PSD4: variants seen among roughly 807,000 people sequenced by gnomAD.
PSD4 encodes pleckstrin and Sec7 domain containing 4, also known as PH and SEC7 domain-containing protein 4.
A neutral mutation model predicts 112.5 loss-of-function variants in PSD4; 59 were observed. The ratio of observed to expected loss-of-function variants is 0.52; its 90% CI spans 0.43 to 0.65. The LOEUF (loss-of-function observed/expected upper bound fraction) is 0.65, where lower values mean the gene tolerates loss of function less well. Ranked by LOEUF, PSD4 falls within the 30% of genes least tolerant of loss-of-function variation. The pLI is 0.00. For missense variants in PSD4, 1,267 were observed against 1,352.6 expected (o/e 0.94, Z 0.99); for synonymous variants, 533 against 540.0 (o/e 0.99, Z 0.18).
intron 1 of PSD4, among the ~76,000 whole-genome samples, chr2:113,176,263 C>T (rs531535463): frequency 6.6e-6 from 1 of 152,218 alleles, no homozygotes; most frequent in South Asian, 2.1e-4. Context: ...GGGTTCCTTC[C>T]TGCCCCCTTG....
chr2:113,186,014 G>C lies in PSD4; in HGVS notation c.1387G>C (p.Ala463Pro). 1 of 1,614,198 alleles carries C rather than the reference G, an allele frequency of 6.2e-7. No individual in the cohort carries two copies. The highest frequency in any genetic ancestry group is 1.1e-5 in the South Asian group (1 of 91,088). ...SRGPGPRPSPASSQEGSPQLQ... is the reference protein window; with the variant it reads ...SRGPGPRPSPPSSQEGSPQLQ... ...AGGCCCTGGTCCCAGGCCCAGCCCTGCATCGTCCCAGGAGGGCAGCCCGCA... is the reference window on the plus strand; with the variant it reads ...AGGCCCTGGTCCCAGGCCCAGCCCTCCATCGTCCCAGGAGGGCAGCCCGCA... The change falls in exon 5 of 17, where the codon GCA becomes CCA. Residue 463 changes from alanine to proline, a missense_variant. Coordinates refer to ENST00000245796, the MANE Select transcript of PSD4 (RefSeq NM_012455.3).
intron 10 of PSD4, among the ~76,000 whole-genome samples, chr2:113,194,383 A>G (rs902549882): frequency 6.6e-6 from 1 of 152,192 alleles, no homozygotes; most frequent in Non-Finnish European, 1.5e-5. Context: ...GAGAGTATTA[A>G]CCACTTACCA....
chr2:113,199,189 A>T lies in PSD4; in HGVS notation c.2876A>T (p.Glu959Val). 6.6e-7 allele frequency: 1 copy of T among 1,520,976 alleles called. No individual in the cohort carries two copies. The allele number at this position is 1,520,976 out of a possible 1,614,324, so 94.2% of individuals were successfully genotyped here. ...CGGCGGGGCCGTGGCCGCGAGCTGG[A>T]GGAGCACCGCCTGCGGAAGGAGTAC... ...PERRGRGRELEEHRLRKEYLE... is the reference protein window; with the variant it reads ...PERRGRGRELVEHRLRKEYLE... Residue 959 changes from glutamate to valine, a missense_variant, in exon 16 of 17, where the codon GAG (glutamate) becomes GTG (valine). By Grantham distance (121) the Glu-to-Val change is moderately radical. Around this residue, in one of 2 missense-constraint regions of PSD4, gnomAD observed 544 missense variants for 648.6 expected, o/e 0.84. Transcript: ENST00000245796.
chr2:113,180,464 A>T (rs1205864871), intron 1 of PSD4, among the ~76,000 whole-genome samples: 1 of 152,194 alleles, frequency 6.6e-6, no homozygotes, highest in Non-Finnish European at 1.5e-5. Context: ...CCTGTCCTAC[A>T]GCCTGCCTGT....
At chr2:113,196,384 A>T (rs1688612914) in intron 12 of PSD4, 77 bp downstream of exon 12, 14 of 1,479,838 alleles carry the variant, frequency 9.5e-6, no homozygotes, top group Non-Finnish European at 1.3e-5. Context: ...ATGCATGCAC[A>T]GGTGTGCAGA....
chr2:113,195,328 T>C lies in PSD4; in HGVS notation c.2182-399T>C, dbSNP rs138444303. Among the ~76,000 whole-genome samples, 1,399 of 152,128 alleles carry C rather than the reference T, an allele frequency of 9.2e-3. 26 individuals are homozygous for C. The highest frequency in any genetic ancestry group is 0.031 in the African/African-American group (1,304 of 41,496). ...GGTGTGCACCACCACGCCCAGATAA[T>C]TTTTTGTATTTTTAGTAGAGACAGG... is the stretch of plus-strand genomic sequence containing the variant. On this transcript the variant is annotated intron_variant, in intron 10 of 16. Coordinates refer to ENST00000245796, the MANE Select transcript of PSD4 (RefSeq NM_012455.3).
chr2:113,182,185 AT>A (rs1225644831), intron 1 of PSD4, among the ~76,000 whole-genome samples, 160 bp from the exon 2 acceptor site: 1 of 152,164 alleles, frequency 6.6e-6, no homozygotes, highest in Non-Finnish European at 1.5e-5. Flanking sequence ...CAGATGGAAT[AT>A]GTGGTACACT....
In PSD4 at chr2:113,209,107, T is replaced by C. The variant is rs1377518236; in HGVS notation, c.*7692T>C. The C allele has an allele frequency of 6.6e-6, 1 of 152,210 alleles. No individual in the cohort carries two copies. Among genetic ancestry groups the C allele is most frequent in the Non-Finnish European group, 1.5e-5 (1 of 68,048 alleles). 9.4% of individuals were successfully genotyped at this position (152,210 alleles called of 1,614,324 possible). On this transcript the variant is annotated 3_prime_UTR_variant, in exon 17 of 17. Transcript: ENST00000245796. ...AGTCAAGTACTAGAAAAAGTTTTGCTTCTTCTAAGAGCTGGTACATTGCCC... is the reference window on the plus strand; with the variant it reads ...AGTCAAGTACTAGAAAAAGTTTTGCCTCTTCTAAGAGCTGGTACATTGCCC...
rs542395652 is a variant in PSD4, at chr2:113,187,881, T to C, written c.1628+1626T>C. Among the ~76,000 whole-genome samples the C allele has an allele frequency of 1.7e-3, 256 of 152,290 alleles. 2 individuals carry two copies. The highest frequency in any genetic ancestry group is 5.6e-3 in the African/African-American group (231 of 41,548). The stretch of plus-strand genomic sequence containing the variant: ...CTTGAGGCTCATGAACACTACATAA[T>C]GCAGGAGAAGCACAACAGAAGCTAA... On this transcript the variant is annotated intron_variant, in intron 5 of 16. Coordinates refer to ENST00000245796, the MANE Select transcript of PSD4 (RefSeq NM_012455.3).
At chr2:113,192,683 G>T (rs1421464662) in intron 6 of PSD4, 94 bp downstream of exon 6, 3 of 1,315,388 alleles carry the variant, frequency 2.3e-6, no homozygotes, top group Non-Finnish European at 3.2e-6. Context: ...TCCCCTTCCC[G>T]TCCCTGCCCT....
chr2:113,197,994 G>A, intron 14 of PSD4, 81 bp downstream of exon 14: 1 of 1,405,848 alleles, frequency 7.1e-7, no homozygotes, highest in Non-Finnish European at 9.4e-7. Flanking sequence ...GACACCTGAG[G>A]CTTGTGGGCC....
chr2:113,199,246 T>C lies in PSD4; in HGVS notation c.2913+20T>C, dbSNP rs1435367804. On this transcript the variant is annotated intron_variant, in intron 16 of 16. Transcript: ENST00000245796. Reference sequence around the variant, plus strand: ...TACGAGGTGAGCGGCCGAGCCCACCTCCCCGCCGCTGCGCAGCGCCCTCTC... The same window carrying C: ...TACGAGGTGAGCGGCCGAGCCCACCCCCCCGCCGCTGCGCAGCGCCCTCTC... 4.2e-6 allele frequency: 6 copies of C among 1,438,174 alleles called. No homozygotes were observed. Among genetic ancestry groups the C allele is most frequent in the East Asian group, 3.0e-5 (1 of 33,456 alleles). The allele number at this position is 1,438,174 out of a possible 1,614,324, so 89.1% of individuals were successfully genotyped here. A position where few individuals can be genotyped will look rare whatever the true frequency, so the allele number is the denominator to read the frequency against.
At chr2:113,199,848 CAA>C (rs1688724966) in intron 16 of PSD4, among the ~76,000 whole-genome samples, 1 of 152,102 alleles carries the variant, frequency 6.6e-6, no homozygotes, top group African/African-American at 2.4e-5. Flanking sequence ...GTTTTTGAGA[CAA>C]AGTCTCGCTC....
At chr2:113,193,184 C>A in intron 7 of PSD4, 56 bp downstream of exon 7, 2 of 1,601,490 alleles carry the variant, frequency 1.2e-6, no homozygotes, top group Non-Finnish European at 8.5e-7. Context: ...GGGGCAGTGG[C>A]ACCAGCCTGA....
Position 113,196,112 on chromosome 2 carries a change from A to C in PSD4, c.2226-35A>C, listed in dbSNP as rs200222753. 33 of 1,592,424 alleles carry C rather than the reference A, an allele frequency of 2.1e-5. No individual in the cohort carries two copies. The East Asian group carries it at 4.3e-4, about 21-fold the overall frequency. ...GGATACCTCCCAGTTCTCTTTGCAT[A>C]GTCAGCACTTCCAGCCCGATTCTCT... On this transcript the variant is annotated intron_variant, in intron 11 of 16. Transcript: ENST00000245796.
chr2:113,197,528 C>G (rs1688645767), intron 12 of PSD4, 36 bp from the exon 13 acceptor site: 6 of 1,612,474 alleles, frequency 3.7e-6, no homozygotes, highest in Non-Finnish European at 2.5e-6. Flanking sequence ...TGCTGGTGCC[C>G]CCACCTACAA....
At chr2:113,187,389 A>T (rs945444001) in intron 5 of PSD4, among the ~76,000 whole-genome samples, 8 of 152,068 alleles carry the variant, frequency 5.3e-5, no homozygotes, top group African/African-American at 1.4e-4. Context: ...CCACTCCTAG[A>T]TCTGGAGCCT....
chr2:113,184,717 C>T (rs570012304), intron 2 of PSD4, among the ~76,000 whole-genome samples: 120 of 152,214 alleles, frequency 7.9e-4, no homozygotes, highest in Admixed American at 2.6e-3. Flanking sequence ...AGCCTGGGAA[C>T]GCTATAAGTT....
chr2:113,185,587 C>T, intron 4 of PSD4, 147 bp downstream of exon 4: 1 of 1,558,330 alleles, frequency 6.4e-7, no homozygotes, highest in Non-Finnish European at 8.7e-7. Flanking sequence ...GGGTTAAATC[C>T]TGCCTCTTTA....
Sources: gnomAD v4.1 joint callset for allele counts (sites outside exome capture counted in the v4.1 genomes callset) on GRCh38, gnomAD v4.1.1 for gene constraint, gnomAD v4.1.1 regional missense constraint, MANE v1.5 for transcripts, NCBI Gene and HGNC (gene_info 2026-07-23, HGNC 2026-07-21) for gene names.